Variants in PACRG observed in about 807,000 individuals in gnomAD.
PACRG encodes parkin coregulated.
A neutral mutation model predicts 29.7 loss-of-function variants in PACRG; 29 were observed. The ratio of observed to expected loss-of-function variants is 0.98; its 90% CI spans 0.73 to 1.33. The LOEUF (loss-of-function observed/expected upper bound fraction) is 1.33. Ranked by LOEUF, PACRG falls within the 40% of genes most tolerant of loss-of-function variation. The probability of loss-of-function intolerance (pLI) is 0.00; values close to 1 mark genes in which losing one functional copy is unlikely to be tolerated. For synonymous variants in PACRG, 116 were observed against 118.7 expected (o/e 0.98, Z 0.15); for missense variants, 279 against 316.2 (o/e 0.88, Z 0.89).
At chr6:163,303,602 G>A (rs1463090339) in intron 4 of PACRG, among the ~76,000 whole-genome samples, 1 of 152,088 alleles carries the variant, frequency 6.6e-6, no homozygotes, top group East Asian at 1.9e-4. Flanking sequence ...TTCGCGAGCT[G>A]GTTGAAAATC....
chr6:163,140,251 C>T (rs1234709505), intron 4 of PACRG, among the ~76,000 whole-genome samples: 3 of 152,160 alleles, frequency 2.0e-5, no homozygotes, highest in Non-Finnish European at 4.4e-5. Flanking sequence ...CATCTTAGAT[C>T]CCTAGGCCAG....
intron 4 of PACRG, among the ~76,000 whole-genome samples, chr6:163,258,674 G>A (rs62427990): frequency 0.14 from 20,399 of 151,096 alleles, 1,518 homozygotes; most frequent in East Asian, 0.18. Context: ...GGAGAATGGC[G>A]TGAACCTGGG....
At chr6:163,114,809 C>T (rs556465578) in intron 4 of PACRG, among the ~76,000 whole-genome samples, 1 of 149,956 alleles carries the variant, frequency 6.7e-6, no homozygotes, top group African/African-American at 2.5e-5. Flanking sequence ...TAATTATACT[C>T]TATTGCATAC....
chr6:163,022,482 G>A (rs772804623), intron 2 of PACRG, among the ~76,000 whole-genome samples: 10 of 152,202 alleles, frequency 6.6e-5, no homozygotes, highest in Non-Finnish European at 1.3e-4. Flanking sequence ...GCAGCAGCTA[G>A]GGACCCCTTG....
At chr6:163,225,713 T>G (rs1057474350) in intron 4 of PACRG, among the ~76,000 whole-genome samples, 1 of 152,220 alleles carries the variant, frequency 6.6e-6, no homozygotes, top group African/African-American at 2.4e-5. Flanking sequence ...TCTGGGTATA[T>G]AGATGCAAAG....
chr6:162,956,209 G>A (rs1800022535), intron 2 of PACRG, among the ~76,000 whole-genome samples: 1 of 152,112 alleles, frequency 6.6e-6, no homozygotes, highest in African/African-American at 2.4e-5. Context: ...AAGAGCATTC[G>A]GTTTTAGAGA....
intron 4 of PACRG, among the ~76,000 whole-genome samples, chr6:163,108,773 G>A (rs1815545095): frequency 6.6e-6 from 1 of 152,138 alleles, no homozygotes; most frequent in African/African-American, 2.4e-5. Context: ...TGTGAGAACA[G>A]ACTAATAACA....
At chr6:163,228,961 G>A (rs932904356) in intron 4 of PACRG, among the ~76,000 whole-genome samples, 2 of 152,162 alleles carry the variant, frequency 1.3e-5, no homozygotes, top group South Asian at 2.1e-4. Flanking sequence ...AGGATGGAAG[G>A]GAAGTCTAAT....
intron 2 of PACRG, among the ~76,000 whole-genome samples, chr6:162,914,501 C>CTTTTTTTTTTTTTTTTTT (rs1584744159): frequency 4.1e-5 from 3 of 73,206 alleles, no homozygotes; most frequent in Admixed American, 1.7e-4. Context: ...AAGTTTTGTA[C>CTTTTTTTTTTTTTTTTTT]TTTTTTGTTT....
At chr6:162,791,448 T>C (rs903705119) in intron 1 of PACRG, among the ~76,000 whole-genome samples, 1 of 152,086 alleles carries the variant, frequency 6.6e-6, no homozygotes, top group Non-Finnish European at 1.5e-5. Flanking sequence ...GAACAATGGC[T>C]TCTTTTATCT....
At chr6:162,914,600 C>CAAA (rs79981470) in intron 2 of PACRG, among the ~76,000 whole-genome samples, 2 of 125,842 alleles carry the variant, frequency 1.6e-5, no homozygotes, top group Non-Finnish European at 3.3e-5. Flanking sequence ...CCATTTTTAC[C>CAAA]AAAAAAAAAA....
chr6:162,990,424 G>A (rs900143107), intron 2 of PACRG, among the ~76,000 whole-genome samples: 3 of 149,844 alleles, frequency 2.0e-5, no homozygotes, highest in Non-Finnish European at 3.0e-5. Context: ...TTTAATGATT[G>A]CCATTCTAAC....
intron 1 of PACRG, among the ~76,000 whole-genome samples, chr6:162,743,348 T>C (rs1370109064): frequency 6.6e-6 from 1 of 152,194 alleles, no homozygotes; most frequent in African/African-American, 2.4e-5. Context: ...AGAGAAAAGA[T>C]AAATCTCAAA....
At chr6:163,169,369 C>T (rs1400614543) in intron 4 of PACRG, among the ~76,000 whole-genome samples, 2 of 152,142 alleles carry the variant, frequency 1.3e-5, no homozygotes. Context: ...CTGCATCTGT[C>T]AGTGTGAGTG....
chr6:163,192,785 C>G (rs968204947), intron 4 of PACRG, among the ~76,000 whole-genome samples: 7 of 152,174 alleles, frequency 4.6e-5, no homozygotes, highest in African/African-American at 1.7e-4. Flanking sequence ...GTTAGGCTGA[C>G]TGGCTCCCAG....
intron 3 of PACRG, among the ~76,000 whole-genome samples, chr6:163,063,330 C>G (rs977884907): frequency 2.6e-5 from 4 of 152,232 alleles, no homozygotes; most frequent in African/African-American, 7.2e-5. Context: ...CTGCTCCCCC[C>G]GCCCCAAGTT....
chr6:162,980,006 TAGAA>T (rs149778230), intron 2 of PACRG, among the ~76,000 whole-genome samples: 8,874 of 152,090 alleles, frequency 0.058, 622 homozygotes, highest in African/African-American at 0.17. Context: ...AATTTATATT[TAGAA>T]AGAAGAAAGG....
At chr6:163,168,170 C>A (rs1778907000) in intron 4 of PACRG, among the ~76,000 whole-genome samples, 1 of 152,164 alleles carries the variant, frequency 6.6e-6, no homozygotes, top group African/African-American at 2.4e-5. Context: ...AATGGGCACT[C>A]CAATAAACAT....
intron 4 of PACRG, among the ~76,000 whole-genome samples, chr6:163,265,792 T>A (rs1349129139): frequency 1.3e-5 from 2 of 152,200 alleles, no homozygotes; most frequent in Non-Finnish European, 2.9e-5. Context: ...AGGTTAAATA[T>A]TACATCAGGA....
Sources: allele counts gnomAD v4.1 joint callset (sites outside exome capture counted in the v4.1 genomes callset), GRCh38; gene constraint gnomAD v4.1.1; transcripts MANE v1.5; gene names NCBI Gene and HGNC (gene_info 2026-07-23, HGNC 2026-07-21).